TMEM178B: variants seen among roughly 807,000 people sequenced by gnomAD.
TMEM178B encodes transmembrane protein 178B.
TMEM178B carries 5 observed loss-of-function variants against 31.0 expected under a neutral mutation model. The observed-to-expected ratio is 0.16, with a 90% CI of 0.08 to 0.34. The LOEUF is 0.34. Among genes scored for constraint, TMEM178B ranks in the 10% least tolerant of loss-of-function variants. TMEM178B has a pLI of 1.00. For missense variants in TMEM178B, 275 were observed against 400.3 expected, an observed-to-expected ratio of 0.69 and a Z score of 2.67; for synonymous variants, 164 against 164.0, an observed-to-expected ratio of 1.00 and a Z score of 0.00.
At chr7:141,085,882 C>T (rs1323640663) in intron 1 of TMEM178B, among the ~76,000 whole-genome samples, 2 of 151,890 alleles carry the variant, frequency 1.3e-5, no homozygotes, top group African/African-American at 2.4e-5. Context: ...CTTATGAGCA[C>T]GTGAAGCCCA....
intron 2 of TMEM178B, among the ~76,000 whole-genome samples, chr7:141,288,698 G>C (rs938446082): frequency 2.0e-5 from 3 of 152,048 alleles, no homozygotes; most frequent in Non-Finnish European, 2.9e-5. Context: ...TTGAAACTAT[G>C]AGCTCCAGTG....
chr7:141,362,870 G>A (rs992727296), intron 2 of TMEM178B, among the ~76,000 whole-genome samples: 2 of 152,216 alleles, frequency 1.3e-5, no homozygotes, highest in African/African-American at 2.4e-5. Context: ...ACACTCAGGG[G>A]TCAGTGCATG....
At chr7:141,308,198 A>G (rs755909191) in intron 2 of TMEM178B, among the ~76,000 whole-genome samples, 1 of 152,216 alleles carries the variant, frequency 6.6e-6, no homozygotes, top group Non-Finnish European at 1.5e-5. Context: ...CTAAGACCCA[A>G]ACTCTTACCA....
At chr7:141,160,868 T>G (rs535344334) in intron 1 of TMEM178B, among the ~76,000 whole-genome samples, 1 of 152,282 alleles carries the variant, frequency 6.6e-6, no homozygotes, top group South Asian at 2.1e-4. Flanking sequence ...TTTTTCTTTG[T>G]TTTTTTGAGA....
At chr7:141,501,423 C>T in the TMEM178B span, among the ~76,000 whole-genome samples, 1 of 151,882 alleles carries the variant, frequency 6.6e-6, no homozygotes, top group African/African-American at 2.4e-5. Flanking sequence ...TCCTTATCTA[C>T]ATGATCTCAT....
intron 2 of TMEM178B, among the ~76,000 whole-genome samples, chr7:141,233,804 C>T (rs1797484626): frequency 6.6e-6 from 1 of 152,230 alleles, no homozygotes; most frequent in South Asian, 2.1e-4. Context: ...ACCTCTTTGA[C>T]TTCATTGTGC....
intron 2 of TMEM178B, among the ~76,000 whole-genome samples, chr7:141,334,774 T>C (rs1475328100): frequency 6.6e-6 from 1 of 152,232 alleles, no homozygotes; most frequent in African/African-American, 2.4e-5. Context: ...AGGAGAGCAC[T>C]TGATCCAGGT....
intron 1 of TMEM178B, among the ~76,000 whole-genome samples, chr7:141,177,869 C>T (rs1280809949): frequency 6.6e-6 from 1 of 152,188 alleles, no homozygotes; most frequent in African/African-American, 2.4e-5. Flanking sequence ...GAATACAGCA[C>T]ACTGATAGGT....
chr7:141,487,414 T>C, the TMEM178B span, among the ~76,000 whole-genome samples: 1 of 152,040 alleles, frequency 6.6e-6, no homozygotes, highest in African/African-American at 2.4e-5. Context: ...CATTGTTGTG[T>C]ACTTCAGGAA....
intron 2 of TMEM178B, among the ~76,000 whole-genome samples, chr7:141,270,461 A>G (rs1164537033): frequency 1.3e-5 from 2 of 152,196 alleles, no homozygotes; most frequent in African/African-American, 2.4e-5. Flanking sequence ...AGGTTCTCTC[A>G]ATCCTAAAGA....
chr7:141,396,769 G>A (rs1350884218), intron 2 of TMEM178B, among the ~76,000 whole-genome samples: 1 of 152,212 alleles, frequency 6.6e-6, no homozygotes, highest in Non-Finnish European at 1.5e-5. Flanking sequence ...AGCCCAGAGA[G>A]AGGATAAAGA....
chr7:141,499,450 A>C, the TMEM178B span, among the ~76,000 whole-genome samples: 1 of 144,866 alleles, frequency 6.9e-6, no homozygotes. Context: ...AACCATAGGA[A>C]GACCACATCT....
the TMEM178B span, among the ~76,000 whole-genome samples, chr7:141,508,647 G>A: frequency 4.6e-5 from 7 of 152,200 alleles, no homozygotes; most frequent in Admixed American, 2.0e-4. Flanking sequence ...GAATCATGGC[G>A]GGAGGCGAAA....
intron 1 of TMEM178B, among the ~76,000 whole-genome samples, chr7:141,094,426 G>T (rs1465035362): frequency 6.6e-6 from 1 of 152,162 alleles, no homozygotes; most frequent in Non-Finnish European, 1.5e-5. Context: ...ATTGGAAAGT[G>T]AACCTTACTC....
chr7:141,250,926 G>A (rs561389155), intron 2 of TMEM178B, among the ~76,000 whole-genome samples: 71 of 152,164 alleles, frequency 4.7e-4, no homozygotes, highest in Admixed American at 8.5e-4. Flanking sequence ...TTCCCACCTC[G>A]CAACAGAAGG....
At chr7:141,440,327 AC>A (rs1801634063) in intron 3 of TMEM178B, among the ~76,000 whole-genome samples, 1 of 151,956 alleles carries the variant, frequency 6.6e-6, no homozygotes, top group African/African-American at 2.4e-5. Context: ...CACTTTAATC[AC>A]CCGGAGAGCT....
At chr7:141,429,596 A>T (rs949225405) in intron 2 of TMEM178B, 28 of 152,202 alleles carry the variant, frequency 1.8e-4, no homozygotes, top group African/African-American at 6.8e-4. Context: ...TTACAGTTAG[A>T]TAGGAGAAGT....
chr7:141,385,847 G>A (rs1800421502), intron 2 of TMEM178B, among the ~76,000 whole-genome samples: 1 of 152,216 alleles, frequency 6.6e-6, no homozygotes, highest in Non-Finnish European at 1.5e-5. Flanking sequence ...CAACACAGAA[G>A]ATAACTTCTT....
intron 3 of TMEM178B, among the ~76,000 whole-genome samples, chr7:141,455,472 A>T (rs942620137): frequency 6.6e-5 from 10 of 152,230 alleles, no homozygotes; most frequent in Admixed American, 2.0e-4. Context: ...TTTCAGTGCA[A>T]CTGGAGAGAC....
Sources: gnomAD v4.1 joint callset for allele counts (sites outside exome capture counted in the v4.1 genomes callset) on GRCh38, gnomAD v4.1.1 for gene constraint, MANE v1.5 for transcripts, NCBI Gene and HGNC (gene_info 2026-07-23, HGNC 2026-07-21) for gene names.